The following QTGAL variants were observed in gnomAD, a reference collection of about 807,000 sequenced individuals.
The protein encoded by QTGAL is queuosine-tRNA galactosyltransferase.
chr17:82,942,303 T>G, the QTGAL span: 1 of 1,163,252 alleles, frequency 8.6e-7, no homozygotes, highest in South Asian at 1.4e-5. Flanking sequence ...TAGCTCAGGC[T>G]GCCGGGTGTG....
chr17:83,019,138 C>T, the QTGAL span, among the ~76,000 whole-genome samples: 8 of 152,146 alleles, frequency 5.3e-5, no homozygotes, highest in Admixed American at 6.5e-5. Flanking sequence ...AGTCCACGTC[C>T]AGAAAGGGAT....
the QTGAL span, chr17:82,942,561 CTGT>C: frequency 6.4e-7 from 1 of 1,554,252 alleles, no homozygotes; most frequent in Non-Finnish European, 8.9e-7. Flanking sequence ...GTGCCTCCAG[CTGT>C]TGAAGGGTAG....
the QTGAL span, chr17:82,961,015 C>T: frequency 1.9e-6 from 3 of 1,585,394 alleles, no homozygotes; most frequent in East Asian, 2.3e-5. Flanking sequence ...TCCCGTGTTC[C>T]TGGCCTCTCA....
chr17:82,978,374 C>G, the QTGAL span, among the ~76,000 whole-genome samples: 1 of 152,290 alleles, frequency 6.6e-6, no homozygotes, highest in Middle Eastern at 3.4e-3. The surrounding 1 kb of genome is among the most constrained non-coding windows in gnomAD (Gnocchi z 4.8). Flanking sequence ...TATCTCTGCA[C>G]GTGATTGACA....
At chr17:82,959,372 TGTGTGCAGTGAGC>T in the QTGAL span, among the ~76,000 whole-genome samples, 26 of 139,968 alleles carry the variant, frequency 1.9e-4, no homozygotes, top group African/African-American at 7.2e-4. Context: ...CGTGAGTGCG[TGTGTGCAGTGAGC>T]GTGTGCAGTG....
At chr17:82,982,000 G>GT in the QTGAL span, among the ~76,000 whole-genome samples, 1 of 151,324 alleles carries the variant, frequency 6.6e-6, no homozygotes, top group African/African-American at 2.4e-5. Context: ...CACCTCCGTG[G>GT]TGATGGGCCG....
At chr17:83,036,077 A>G in the QTGAL span, among the ~76,000 whole-genome samples, 2 of 152,326 alleles carry the variant, frequency 1.3e-5, no homozygotes, top group Admixed American at 6.5e-5. Flanking sequence ...ATCCTAACAG[A>G]TACTGTGCGG....
the QTGAL span, among the ~76,000 whole-genome samples, chr17:83,045,358 T>C: frequency 6.6e-6 from 1 of 152,338 alleles, no homozygotes; most frequent in East Asian, 1.9e-4. Flanking sequence ...TAAATGGTGT[T>C]GGAAAAACTG....
chr17:83,038,449 T>C, the QTGAL span, among the ~76,000 whole-genome samples: 1 of 152,194 alleles, frequency 6.6e-6, no homozygotes, highest in African/African-American at 2.4e-5. Context: ...GCAAAATGTT[T>C]TCAAAATAGA....
the QTGAL span, among the ~76,000 whole-genome samples, chr17:83,047,749 A>C: frequency 6.7e-6 from 1 of 148,344 alleles, no homozygotes; most frequent in African/African-American, 2.5e-5. Flanking sequence ...GGTCTATAAT[A>C]AATCCCTACC....
chr17:82,974,937 G>A, the QTGAL span, among the ~76,000 whole-genome samples: 21,235 of 114,732 alleles, frequency 0.19, 2,616 homozygotes, highest in East Asian at 0.28. Context: ...GGACAGAGCC[G>A]GACTCCATCC....
the QTGAL span, among the ~76,000 whole-genome samples, chr17:82,955,450 A>G: frequency 6.6e-6 from 1 of 152,242 alleles, no homozygotes; most frequent in East Asian, 1.9e-4. Context: ...ATGATGAGAT[A>G]CCATCTCACA....
At chr17:83,051,304 G>C in the QTGAL span, among the ~76,000 whole-genome samples, 1,472 of 150,778 alleles carry the variant, frequency 9.8e-3, 22 homozygotes, top group African/African-American at 0.033. Context: ...GAGCGAGGCG[G>C]GAGCGAGGCA....
chr17:83,005,287 T>G, the QTGAL span: 1 of 1,216,816 alleles, frequency 8.2e-7, no homozygotes, highest in Non-Finnish European at 1.2e-6. This position sits in a 1 kb window ranked among gnomAD's most constrained non-coding sequence, Gnocchi z 5.6. Context: ...TGTGTATTCA[T>G]CTCACATGTT....
the QTGAL span, chr17:82,960,958 A>G: frequency 4.1e-6 from 6 of 1,458,822 alleles, no homozygotes; most frequent in Non-Finnish European, 5.5e-6. Flanking sequence ...GCCTGACCAC[A>G]GCCTCTGGGG....
the QTGAL span, among the ~76,000 whole-genome samples, chr17:83,029,805 G>A: frequency 5.9e-5 from 9 of 152,140 alleles, no homozygotes; most frequent in African/African-American, 1.2e-4. Context: ...TACCAGCACC[G>A]CTCGTGGCCC....
At chr17:83,039,222 G>A in the QTGAL span, among the ~76,000 whole-genome samples, 318 of 148,696 alleles carry the variant, frequency 2.1e-3, 8 homozygotes, top group Non-Finnish European at 4.1e-3. Context: ...CCCGCCGCCC[G>A]CCCCTGTTCT....
the QTGAL span, among the ~76,000 whole-genome samples, chr17:83,027,508 C>G: frequency 8.5e-5 from 13 of 152,198 alleles, no homozygotes; most frequent in East Asian, 2.5e-3. Context: ...TTGGACTTCA[C>G]TGATGTTAAC....
At chr17:83,035,150 A>G in the QTGAL span, 1 of 1,453,716 alleles carries the variant, frequency 6.9e-7, no homozygotes, top group Non-Finnish European at 9.6e-7. Flanking sequence ...TTCCAGCAGC[A>G]TTCTCTTTCA....
Sources: allele counts gnomAD v4.1 joint callset (sites outside exome capture counted in the v4.1 genomes callset), GRCh38; gene constraint gnomAD v4.1.1; non-coding constraint Gnocchi (gnomAD v3.1); transcripts MANE v1.5; gene names NCBI Gene and HGNC (gene_info 2026-07-23, HGNC 2026-07-21).